RNF13: variants seen among roughly 807,000 people sequenced by gnomAD.
RNF13 encodes the protein ring finger protein 13, also known as E3 ubiquitin-protein ligase RNF13.
RNF13 carries 19 observed loss-of-function variants against 37.7 expected under a neutral mutation model. That is an observed-to-expected ratio of 0.50 (90% CI 0.35 to 0.74). The LOEUF is 0.74. Ranked by LOEUF, RNF13 falls within the 30% of genes least tolerant of loss-of-function variation. The pLI is 0.01. For missense variants in RNF13, 375 were observed against 453.0 expected, an observed-to-expected ratio of 0.83 and a Z score of 1.56; for synonymous variants, 144 against 157.8, an observed-to-expected ratio of 0.91 and a Z score of 0.65.
At chr3:149,865,346 A>ATATATATATG (rs1553757206) in intron 3 of RNF13, among the ~76,000 whole-genome samples, 1 of 148,916 alleles carries the variant, frequency 6.7e-6, no homozygotes, top group East Asian at 2.0e-4. Flanking sequence ...ATATATATAT[A>ATATATATATG]TATATGTATA....
At chr3:149,928,796 T>A (rs1330149381) in intron 8 of RNF13, among the ~76,000 whole-genome samples, 1 of 152,214 alleles carries the variant, frequency 6.6e-6, no homozygotes, top group African/African-American at 2.4e-5. Flanking sequence ...TATTAAGTCT[T>A]CCAATCCATG....
intron 4 of RNF13, among the ~76,000 whole-genome samples, chr3:149,892,382 C>G (rs1239309694): frequency 1.3e-5 from 2 of 152,168 alleles, no homozygotes; most frequent in Admixed American, 1.3e-4. Context: ...ATAGATGATT[C>G]TTAATAATTT....
chr3:149,831,164 G>A (rs2108337751), intron 1 of RNF13, among the ~76,000 whole-genome samples: 1 of 152,342 alleles, frequency 6.6e-6, no homozygotes, highest in South Asian at 2.1e-4. Flanking sequence ...CAGTGTTGGA[G>A]CCCCCACACA....
intron 1 of RNF13, among the ~76,000 whole-genome samples, chr3:149,816,038 A>T (rs769742142): frequency 6.6e-6 from 1 of 151,688 alleles, no homozygotes; most frequent in Admixed American, 6.6e-5. Flanking sequence ...GACTACAGTC[A>T]TAAACCCCCA....
In RNF13 at chr3:149,921,244, T is replaced by C. The variant is rs532033282; in HGVS notation, c.700+17T>C. On this transcript the variant is annotated intron_variant, in intron 8 of 9. Transcript: ENST00000392894. ...TCAAGAAAGGTAAGTATTTGTTTTC[T>C]AAATAATTATCCTTAGTTTATTTAA... 1 of 1,190,686 alleles carries C rather than the reference T, an allele frequency of 8.4e-7. No individual in the cohort carries two copies. Among genetic ancestry groups the C allele is most frequent in the African/African-American group, 1.6e-5 (1 of 63,918 alleles). 73.8% of individuals were successfully genotyped at this position (1,190,686 alleles called of 1,614,324 possible).
At chr3:149,930,139 GGC>G (rs1719025526) in intron 8 of RNF13, among the ~76,000 whole-genome samples, 1 of 152,152 alleles carries the variant, frequency 6.6e-6, no homozygotes, top group Admixed American at 6.5e-5. Context: ...ATGTTGGCTA[GGC>G]TGGTCTTGAA....
chr3:149,828,127 T>G (rs1488253871), intron 1 of RNF13, among the ~76,000 whole-genome samples: 2 of 152,086 alleles, frequency 1.3e-5, no homozygotes, highest in Non-Finnish European at 2.9e-5. Flanking sequence ...AAAGGAGTAA[T>G]TAGGATGAGG....
chr3:149,944,871 T>TG (rs1720617374), intron 8 of RNF13, among the ~76,000 whole-genome samples: 1 of 152,212 alleles, frequency 6.6e-6, no homozygotes, highest in Admixed American at 6.5e-5. Context: ...GTTTTAGACA[T>TG]GAAGTCCTTG....
intron 8 of RNF13, among the ~76,000 whole-genome samples, chr3:149,929,383 C>T (rs1475385345): frequency 1.3e-5 from 2 of 152,132 alleles, no homozygotes; most frequent in African/African-American, 4.8e-5. Flanking sequence ...CCAATTACCT[C>T]CACCTGGTCC....
At chr3:149,898,568 T>C (rs1472277063) in intron 5 of RNF13, among the ~76,000 whole-genome samples, 2 of 152,138 alleles carry the variant, frequency 1.3e-5, no homozygotes, top group Non-Finnish European at 2.9e-5. Context: ...GTTTTTCTGA[T>C]CTGTGAAATT....
Position 149,921,533 on chromosome 3 carries a change from T to A in RNF13, c.700+306T>A, listed in dbSNP as rs1029507444. Among the ~76,000 whole-genome samples the A allele has an allele frequency of 2.6e-5, 4 of 152,186 alleles. No individual in the cohort carries two copies. The East Asian group carries it at 7.7e-4, about 29-fold the overall frequency. On this transcript the variant is annotated intron_variant, in intron 8 of 9. Transcript: ENST00000392894. Reference sequence around the variant, plus strand: ...GTTCTCATTGTTCACCTTCCACTTATGAGTGAGAACACGCAGTGTTTGGTT... The same window carrying A: ...GTTCTCATTGTTCACCTTCCACTTAAGAGTGAGAACACGCAGTGTTTGGTT...
Position 149,902,129 on chromosome 3 carries a change from A to C in RNF13, c.467A>C (p.Asn156Thr), listed in dbSNP as rs778920483. The change falls in exon 6 of 10, where the codon AAT (asparagine) becomes ACT (threonine). Residue 156 changes from asparagine to threonine, a missense_variant. Coordinates refer to ENST00000392894, the MANE Select transcript of RNF13 (RefSeq NM_183381.3). ...PSVFIGESSANSLKDEFTYEK... is the reference protein window; with the variant it reads ...PSVFIGESSATSLKDEFTYEK... ...GTCTTTATTGGTGAATCATCAGCTA[A>C]TTCTCTGAAAGATGAATTCACATAT... 6.5e-7 allele frequency: 1 copy of C among 1,531,004 alleles called. No homozygotes were observed. Among genetic ancestry groups the C allele is most frequent in the Non-Finnish European group, 8.8e-7 (1 of 1,135,736 alleles). The allele number at this position is 1,531,004 out of a possible 1,614,324, so 94.8% of individuals were successfully genotyped here. A position where few individuals can be genotyped will look rare whatever the true frequency, so the allele number is the denominator to read the frequency against.
chr3:149,851,933 G>T (rs189403123), intron 2 of RNF13, among the ~76,000 whole-genome samples: 1 of 152,158 alleles, frequency 6.6e-6, no homozygotes, highest in Non-Finnish European at 1.5e-5. Flanking sequence ...ATCTATATCT[G>T]TGTGGAAGGG....
Position 149,850,847 on chromosome 3 carries a change from C to T in RNF13, c.115-1669C>T, listed in dbSNP as rs555048585. Among the ~76,000 whole-genome samples the T allele has an allele frequency of 1.6e-3, 243 of 152,182 alleles. 1 individual carries two copies. Among genetic ancestry groups the T allele is most frequent in the African/African-American group, 5.4e-3 (223 of 41,498 alleles). The stretch of plus-strand genomic sequence containing the variant: ...AATGTGTTTTAATTAAGAGATTAAA[C>T]GATAGATTGTGATAATGGGTTTAAA... On this transcript the variant is annotated intron_variant, in intron 2 of 9. Transcript: ENST00000392894.
At chr3:149,885,074 GCTGAATAGTA>G (rs1713869988) in intron 4 of RNF13, among the ~76,000 whole-genome samples, 1 of 151,988 alleles carries the variant, frequency 6.6e-6, no homozygotes, top group Non-Finnish European at 1.5e-5. Flanking sequence ...TTTTCTAATG[GCTGAATAGTA>G]CTCCATTGTG....
intron 1 of RNF13, among the ~76,000 whole-genome samples, chr3:149,815,762 A>G (rs1427286239): frequency 6.6e-6 from 1 of 152,270 alleles, no homozygotes; most frequent in Non-Finnish European, 1.5e-5. Flanking sequence ...GTCAAAGTTT[A>G]TATAGCATAG....
intron 1 of RNF13, among the ~76,000 whole-genome samples, chr3:149,832,016 A>C (rs1372601633): frequency 2.6e-5 from 4 of 152,226 alleles, no homozygotes; most frequent in Non-Finnish European, 4.4e-5. Context: ...ATTTTCCACT[A>C]AAATAGTTAA....
intron 1 of RNF13, among the ~76,000 whole-genome samples, chr3:149,818,946 C>T (rs1719752768): frequency 6.6e-6 from 1 of 152,016 alleles, no homozygotes. Flanking sequence ...AAAAGAGAAT[C>T]CCCTGGCTTA....
chr3:149,939,547 T>C (rs940424808), intron 8 of RNF13: 2 of 590,228 alleles, frequency 3.4e-6, no homozygotes, highest in East Asian at 4.1e-5. Flanking sequence ...AACCATTGGC[T>C]GTACAGACAT....
Sources: gnomAD v4.1 joint callset for allele counts (sites outside exome capture counted in the v4.1 genomes callset) on GRCh38, gnomAD v4.1.1 for gene constraint, MANE v1.5 for transcripts, NCBI Gene and HGNC (gene_info 2026-07-23, HGNC 2026-07-21) for gene names.